Variants in LSAMP observed in about 807,000 individuals in gnomAD.
LSAMP encodes the protein limbic system-associated membrane protein.
LSAMP carries 7 observed loss-of-function variants against 38.6 expected under a neutral mutation model. The ratio of observed to expected loss-of-function variants is 0.18; its 90% CI spans 0.10 to 0.34. The LOEUF (loss-of-function observed/expected upper bound fraction) is 0.34. Ranked by LOEUF, LSAMP falls within the 10% of genes least tolerant of loss-of-function variation. The probability of loss-of-function intolerance (pLI) is 1.00; values close to 1 mark genes in which losing one functional copy is unlikely to be tolerated. For synonymous variants in LSAMP, 154 were observed against 166.8 expected (o/e 0.92, Z 0.59); for missense variants, 313 against 420.0 (o/e 0.75, Z 2.23).
At chr3:116,390,971 T>C (rs759487695) in intron 1 of LSAMP, among the ~76,000 whole-genome samples, 7 of 152,074 alleles carry the variant, frequency 4.6e-5, no homozygotes, top group African/African-American at 1.7e-4. Flanking sequence ...GGGCTCTCCT[T>C]GGGCTGCTGG....
chr3:116,273,707 T>TATATATATATATATATACATACAC (rs1307543165), intron 1 of LSAMP, among the ~76,000 whole-genome samples: 16 of 102,648 alleles, frequency 1.6e-4, no homozygotes, highest in Non-Finnish European at 2.7e-4. Context: ...TATATATATA[T>TATATATATATATATATACATACAC]ACACACACAC....
Position 115,841,256 on chromosome 3 carries a change from A to T in LSAMP, c.919+589T>A, listed in dbSNP as rs3772962. ...CATTCCATCTCTGTTCCAAAAATAT[A>T]TCAGAAAAGTAATGTCTCTTACTGT... is the stretch of plus-strand genomic sequence containing the variant. On this transcript the variant is annotated intron_variant, in intron 6 of 6. Coordinates refer to ENST00000490035, the MANE Select transcript of LSAMP (RefSeq NM_002338.5). Among the ~76,000 whole-genome samples, 86 of 152,086 alleles carry T rather than the reference A, an allele frequency of 5.7e-4. No individual in the cohort carries two copies. The East Asian group carries it at 9.4e-3, about 17-fold the overall frequency.
chr3:116,141,198 G>A (rs1352770848), intron 1 of LSAMP, among the ~76,000 whole-genome samples: 1 of 151,756 alleles, frequency 6.6e-6, no homozygotes, highest in Non-Finnish European at 1.5e-5. Context: ...ATGTATTTAC[G>A]GTAAGTGACG....
chr3:116,274,834 T>C (rs1408322309), intron 1 of LSAMP, among the ~76,000 whole-genome samples: 1 of 152,086 alleles, frequency 6.6e-6, no homozygotes, highest in East Asian at 1.9e-4. Flanking sequence ...CGCTGTAGTC[T>C]TTTTCCCTCC....
chr3:116,075,692 C>T, intron 2 of LSAMP, among the ~76,000 whole-genome samples: 1 of 151,778 alleles, frequency 6.6e-6, no homozygotes, highest in Admixed American at 6.6e-5. Flanking sequence ...AGGCCCACGC[C>T]ACCACACCCG....
intron 3 of LSAMP, among the ~76,000 whole-genome samples, chr3:115,886,991 C>T (rs374533295): frequency 1.8e-4 from 27 of 151,970 alleles, no homozygotes; most frequent in African/African-American, 2.9e-4. Context: ...TCTCCCATGA[C>T]GGAGACCTAA....
At chr3:116,211,953 T>C (rs2046162679) in intron 1 of LSAMP, among the ~76,000 whole-genome samples, 1 of 152,180 alleles carries the variant, frequency 6.6e-6, no homozygotes, top group Non-Finnish European at 1.5e-5. Flanking sequence ...ATGGGGAAGC[T>C]TGTGTCAGTA....
At chr3:116,397,073 C>T (rs757172773) in intron 1 of LSAMP, among the ~76,000 whole-genome samples, 35 of 152,158 alleles carry the variant, frequency 2.3e-4, no homozygotes, top group African/African-American at 3.9e-4. Context: ...TCTTTGAAAA[C>T]GTTAAGTCAT....
At chr3:116,228,357 A>G (rs1482804302) in intron 1 of LSAMP, among the ~76,000 whole-genome samples, 2 of 152,100 alleles carry the variant, frequency 1.3e-5, no homozygotes, top group African/African-American at 4.8e-5. Context: ...CACTAGAATA[A>G]TCACAACTCA....
At chr3:116,226,086 T>C (rs1479144301) in intron 1 of LSAMP, among the ~76,000 whole-genome samples, 2 of 152,166 alleles carry the variant, frequency 1.3e-5, no homozygotes, top group African/African-American at 2.4e-5. Context: ...TAATGAACAA[T>C]CAATAAGTTT....
At chr3:116,004,754 C>T (rs1940108432) in intron 3 of LSAMP, among the ~76,000 whole-genome samples, 1 of 151,758 alleles carries the variant, frequency 6.6e-6, no homozygotes, top group Admixed American at 6.6e-5. Flanking sequence ...ATATGGAATC[C>T]CTACTGGTAT....
Position 116,409,006 on chromosome 3 carries a change from T to C in LSAMP, c.155+35871A>G, listed in dbSNP as rs535636831. The stretch of plus-strand genomic sequence containing the variant: ...AACAGAAAAAGTGATTTGCCCTTTT[T>C]CTACATTGGTTTCCCCATCTGAGCA... On this transcript the variant is annotated intron_variant, in intron 1 of 6. Transcript: ENST00000490035. 4.6e-5 allele frequency among the ~76,000 whole-genome samples: 7 copies of C among 152,164 alleles called. No individual in the cohort carries two copies. The South Asian group carries it at 1.5e-3, about 32-fold the overall frequency.
chr3:116,327,377 T>A (rs934828445), intron 1 of LSAMP, among the ~76,000 whole-genome samples: 1 of 152,168 alleles, frequency 6.6e-6, no homozygotes, highest in African/African-American at 2.4e-5. Context: ...CCTTAGTTCA[T>A]CTTATTCTCT....
In LSAMP at chr3:116,445,126, A is replaced by C. The variant is rs1454234380; in HGVS notation, c.-95T>G. 6 of 1,305,060 alleles carry C rather than the reference A, an allele frequency of 4.6e-6. No homozygotes were observed. Among genetic ancestry groups the C allele is most frequent in the African/African-American group, 1.5e-5 (1 of 68,060 alleles). The allele number at this position is 1,305,060 out of a possible 1,614,324, so 80.8% of individuals were successfully genotyped here. On this transcript the variant is annotated 5_prime_UTR_variant, in exon 1 of 7. Coordinates refer to ENST00000490035, the MANE Select transcript of LSAMP (RefSeq NM_002338.5). ...TCACCAACACGGGGCTTTCATCCAC[A>C]GCGAGCGCAGAGCGGGCTTTGCCAG... is the stretch of plus-strand genomic sequence containing the variant.
chr3:116,006,715 T>C (rs1346673485), intron 3 of LSAMP, among the ~76,000 whole-genome samples: 1 of 152,202 alleles, frequency 6.6e-6, no homozygotes, highest in Non-Finnish European at 1.5e-5. Flanking sequence ...ATCACAGACA[T>C]GACCATAAGC....
At chr3:116,295,142 GA>G (rs1187400326) in intron 1 of LSAMP, among the ~76,000 whole-genome samples, 13 of 152,142 alleles carry the variant, frequency 8.5e-5, no homozygotes, top group African/African-American at 2.2e-4. Context: ...ATAGTTGAGA[GA>G]AAAAGAAAAA....
At chr3:116,289,056 A>G (rs2047228354) in intron 1 of LSAMP, among the ~76,000 whole-genome samples, 1 of 152,224 alleles carries the variant, frequency 6.6e-6, no homozygotes, top group Non-Finnish European at 1.5e-5. Flanking sequence ...CTGAATTCAT[A>G]GAACCATGAG....
intron 2 of LSAMP, among the ~76,000 whole-genome samples, chr3:116,070,770 G>A (rs1707580538): frequency 6.6e-6 from 1 of 152,178 alleles, no homozygotes; most frequent in Non-Finnish European, 1.5e-5. Flanking sequence ...GCCGGGCACG[G>A]TGGCTCATGC....
intron 1 of LSAMP, among the ~76,000 whole-genome samples, chr3:116,235,994 A>G (rs1290659801): frequency 6.6e-6 from 1 of 152,126 alleles, no homozygotes; most frequent in Non-Finnish European, 1.5e-5. Flanking sequence ...TGCGGAATAA[A>G]TTTATTTGGT....
Sources: allele counts gnomAD v4.1 joint callset (sites outside exome capture counted in the v4.1 genomes callset), GRCh38; gene constraint gnomAD v4.1.1; transcripts MANE v1.5; gene names NCBI Gene and HGNC (gene_info 2026-07-23, HGNC 2026-07-21).